The following CHD9 variants were observed in gnomAD, a reference collection of about 807,000 sequenced individuals.
CHD9 encodes the protein chromodomain helicase DNA binding protein 9.
In CHD9, 77 loss-of-function variants were observed where a neutral mutation model predicts 316.1. That is an observed-to-expected ratio of 0.24 (90% CI 0.20 to 0.29). CHD9 has a LOEUF of 0.29. CHD9 is among the 10% of genes least tolerant of loss of function. The pLI, the probability that CHD9 is intolerant of heterozygous loss-of-function variation, is 1.00. For missense variants in CHD9, 2,763 were observed against 3,438.1 expected (o/e 0.80, Z 4.91); for synonymous variants, 1,129 against 1,158.3 (o/e 0.97, Z 0.51).
chr16:53,142,085 ATTG>A (rs1267127706), intron 1 of CHD9, among the ~76,000 whole-genome samples: 24 of 152,346 alleles, frequency 1.6e-4, no homozygotes, highest in African/African-American at 4.6e-4. Context: ...AAAATATGAT[ATTG>A]TTGATTGGTA....
intron 1 of CHD9, among the ~76,000 whole-genome samples, chr16:53,095,412 G>C (rs1596967492): frequency 6.6e-6 from 1 of 151,708 alleles, no homozygotes; most frequent in African/African-American, 2.4e-5. Flanking sequence ...AGCTGGGCGT[G>C]GTGGTGTGTG....
At chr16:53,273,906 C>T in intron 23 of CHD9, 121 bp downstream of exon 23, 1 of 884,776 alleles carries the variant, frequency 1.1e-6, no homozygotes, top group Admixed American at 2.7e-5. Flanking sequence ...AATCCTAATC[C>T]TAATTTTACA....
chr16:53,238,256 T>G, intron 11 of CHD9, 87 bp from the exon 12 acceptor site: 3 of 1,194,896 alleles, frequency 2.5e-6, no homozygotes, highest in Non-Finnish European at 3.4e-6. Context: ...CTATTTTATT[T>G]GATCTTTGAT....
At chr16:53,277,657 T>G (rs2052986147) in intron 24 of CHD9, among the ~76,000 whole-genome samples, 1 of 152,016 alleles carries the variant, frequency 6.6e-6, no homozygotes, top group Admixed American at 6.6e-5. Flanking sequence ...AACATAATAC[T>G]GGATTGGAGA....
chr16:53,134,528 C>T (rs1161336376), intron 1 of CHD9, among the ~76,000 whole-genome samples: 1 of 152,132 alleles, frequency 6.6e-6, no homozygotes, highest in Non-Finnish European at 1.5e-5. Flanking sequence ...CAAATTCCAC[C>T]TTGTGAATAA....
In CHD9 at chr16:53,327,273, A is replaced by G. The variant is rs2057576087; in HGVS notation, c.*2378A>G. On this transcript the variant is annotated 3_prime_UTR_variant, in exon 39 of 39. Transcript: ENST00000447540. The stretch of plus-strand genomic sequence containing the variant: ...AGAATTATAGCTGTTATTGCCTTGT[A>G]TTTATAGCCCTTGTTTCAGGTTTTA... 6.6e-6 allele frequency: 1 copy of G among 152,514 alleles called. No individual in the cohort carries two copies. Among genetic ancestry groups the G allele is most frequent in the African/African-American group, 2.4e-5 (1 of 41,454 alleles). The allele number at this position is 152,514 out of a possible 1,614,324, so 9.4% of individuals were successfully genotyped here.
intron 1 of CHD9, among the ~76,000 whole-genome samples, chr16:53,099,817 C>T (rs1253650948): frequency 6.6e-6 from 1 of 152,234 alleles, no homozygotes; most frequent in Non-Finnish European, 1.5e-5. Flanking sequence ...GCCAGGCCAG[C>T]TGGCGTGGTG....
rs1597986948 is a variant in CHD9, at chr16:53,315,048, G to A, written c.7584+4G>A. ...AGATTTGGGAGCTTTTATTCCTGTA[G>A]GTGACACCTTAAAATTCTTGTTATA... On this transcript the variant is annotated splice_donor_region_variant and intron_variant, in intron 36 of 38. Coordinates refer to ENST00000447540, the MANE Select transcript of CHD9 (RefSeq NM_001308319.2). 1 of 1,593,950 alleles carries A rather than the reference G, an allele frequency of 6.3e-7. No homozygotes were observed.
In CHD9 at chr16:53,314,474, T is replaced by C; in HGVS notation, c.7320T>C (p.Gly2440=). 1.3e-6 allele frequency: 2 copies of C among 1,581,726 alleles called. No individual in the cohort carries two copies. The highest frequency in any genetic ancestry group is 1.7e-6 in the Non-Finnish European group (2 of 1,162,494). The change falls in exon 35 of 39, where the codon GGT becomes GGC. Residue 2440 remains glycine, a synonymous_variant. Coordinates refer to ENST00000447540, the MANE Select transcript of CHD9 (RefSeq NM_001308319.2). ...KRRGRRKNVE[G]VDIFFFNRNK... is the part of the protein sequence containing the mutation. ...GAGGAAGGAGGAAGAATGTAGAAGG[T>C]GTTGACATCTTCTTTTTTAACAGAA...
In CHD9 at chr16:53,254,440, C is replaced by A; in HGVS notation, c.3864C>A (p.Ala1288=). ...SDWNPQNDLQ[A]QARCHRIGQN... is the part of the protein sequence containing the mutation. ...TATGTAACTTTTCATTTTTATAGGC[C>A]CAAGCTCGTTGCCACAGAATTGGTC... Residue 1288 remains alanine (A), a splice_region_variant and synonymous_variant, in exon 18 of 39, where the codon GCC becomes GCA. Transcript: ENST00000447540. 6.4e-7 allele frequency: 1 copy of A among 1,561,682 alleles called. No homozygotes were observed. The highest frequency in any genetic ancestry group is 8.7e-7 in the Non-Finnish European group (1 of 1,149,866).
intron 36 of CHD9, among the ~76,000 whole-genome samples, chr16:53,315,811 A>G (rs2056839926): frequency 6.6e-6 from 1 of 152,064 alleles, no homozygotes; most frequent in African/African-American, 2.4e-5. Context: ...TTAAAACACC[A>G]AAGTTTTAAG....
chr16:53,306,513 A>C, intron 32 of CHD9, 116 bp downstream of exon 32: 1 of 819,944 alleles, frequency 1.2e-6, no homozygotes, highest in Middle Eastern at 3.7e-4. Flanking sequence ...GTAGGATGAC[A>C]TTTTGGTGTT....
chr16:53,074,475 A>T (rs1596885320), intron 1 of CHD9, among the ~76,000 whole-genome samples: 1 of 152,186 alleles, frequency 6.6e-6, no homozygotes, highest in Non-Finnish European at 1.5e-5. Context: ...AATGGCAGAG[A>T]CCTTTGCGGC....
At chr16:53,189,389 T>C (rs1259523946) in intron 2 of CHD9, among the ~76,000 whole-genome samples, 1 of 152,050 alleles carries the variant, frequency 6.6e-6, no homozygotes, top group African/African-American at 2.4e-5. Context: ...TGTTGAAACT[T>C]TGTCAGATTC....
At chr16:53,174,756 G>A (rs768633246) in intron 2 of CHD9, among the ~76,000 whole-genome samples, 3 of 152,052 alleles carry the variant, frequency 2.0e-5, no homozygotes, top group Non-Finnish European at 2.9e-5. Context: ...CCACAGGCAC[G>A]TGCCACCATG....
intron 29 of CHD9, 37 bp downstream of exon 29, chr16:53,293,089 A>G: frequency 6.7e-7 from 1 of 1,502,660 alleles, no homozygotes. Context: ...TGTATTGTCT[A>G]AATGTAGCTG....
At chr16:53,064,384 T>G (rs2033288986) in intron 1 of CHD9, among the ~76,000 whole-genome samples, 1 of 152,044 alleles carries the variant, frequency 6.6e-6, no homozygotes, top group African/African-American at 2.4e-5. Flanking sequence ...GTCGTAGCAC[T>G]TTTTTTTGCA....
chr16:53,110,038 T>C (rs545552592), intron 1 of CHD9, among the ~76,000 whole-genome samples: 1 of 152,224 alleles, frequency 6.6e-6, no homozygotes, highest in Admixed American at 6.5e-5. Flanking sequence ...TGAACTCTTA[T>C]ACCCAATAGA....
chr16:53,209,811 T>A lies in CHD9; in HGVS notation c.1782T>A (p.Ile594=). Residue 594 remains isoleucine, a splice_region_variant and synonymous_variant, in exon 3 of 39, where the codon ATT becomes ATA. Coordinates refer to ENST00000447540, the MANE Select transcript of CHD9 (RefSeq NM_001308319.2). ...CTAAGTTAAAAGAGAAGACAAAAAT[T>A]GGGTAAGTTGGTTAAGAATTAAATT... ...TCSKLKEKTK[I]GKLIITLGKK... is the part of the protein sequence containing the mutation. The A allele has an allele frequency of 6.5e-7, 1 of 1,548,050 alleles. No individual in the cohort carries two copies. Among genetic ancestry groups the A allele is most frequent in the South Asian group, 1.2e-5 (1 of 82,736 alleles).
Sources: gnomAD v4.1 joint callset for allele counts (sites outside exome capture counted in the v4.1 genomes callset) on GRCh38, gnomAD v4.1.1 for gene constraint, MANE v1.5 for transcripts, NCBI Gene and HGNC (gene_info 2026-07-23, HGNC 2026-07-21) for gene names.